The following ACTN1 variants were observed in gnomAD, a reference collection of about 807,000 sequenced individuals.
ACTN1 encodes alpha-actinin-1.
A neutral mutation model predicts 119.6 loss-of-function variants in ACTN1; 30 were observed. The observed-to-expected ratio is 0.25, with a 90% CI of 0.19 to 0.34. The LOEUF is 0.34. Ranked by LOEUF, ACTN1 falls within the 10% of genes least tolerant of loss-of-function variation. ACTN1 has a pLI of 1.00. For synonymous variants in ACTN1, 429 were observed against 472.6 expected (o/e 0.91, Z 1.20); for missense variants, 764 against 1,223.4 (o/e 0.62, Z 5.60).
At position 68,877,374 on chromosome 14, in the gene ACTN1, G is replaced by A. The variant is rs1030636333; in HGVS notation, c.2428-134C>T. The A allele has an allele frequency of 2.7e-6, 3 of 1,125,194 alleles. No individual in the cohort carries two copies. The African/African-American group carries it at 4.7e-5, about 18-fold the overall frequency. The allele number at this position is 1,125,194 out of a possible 1,614,324, so 69.7% of individuals were successfully genotyped here. The stretch of plus-strand genomic sequence containing the variant: ...GGCACATCCCCCTGACCTAACCTGG[G>A]TTGTCCTAAGGGTATGATGGGGACA... On this transcript the variant is annotated intron_variant, in intron 20 of 21. Coordinates refer to ENST00000394419, the MANE Select transcript of ACTN1 (RefSeq NM_001130004.2).
chr14:68,957,505 C>T (rs2036387674), intron 1 of ACTN1, among the ~76,000 whole-genome samples: 2 of 152,246 alleles, frequency 1.3e-5, no homozygotes. Context: ...TAAAGCCATC[C>T]GGGAACTCTT....
chr14:68,977,800 TC>T (rs35512297), intron 1 of ACTN1: 181 of 345,780 alleles, frequency 5.2e-4, no homozygotes, highest in African/African-American at 2.9e-3. Flanking sequence ...CGCCATCCTG[TC>T]CCCCCCCCAC....
chr14:68,875,526 A>G (rs551698414), intron 21 of ACTN1, among the ~76,000 whole-genome samples: 1 of 152,360 alleles, frequency 6.6e-6, no homozygotes, highest in African/African-American at 2.4e-5. Context: ...GCAGCTTTGC[A>G]GAAATGCGGG....
chr14:68,951,137 G>A (rs577065166), intron 1 of ACTN1, among the ~76,000 whole-genome samples: 13 of 152,250 alleles, frequency 8.5e-5, no homozygotes, highest in East Asian at 1.9e-4. Context: ...GCAGGGAAGC[G>A]CCACCCATGG....
Position 68,909,950 on chromosome 14 carries a change from C to T in ACTN1, c.515+5G>A. Reference sequence around the variant, plus strand: ...TGTGAGAGCCCCTCAGACCCCAGCACTCACCTTATGTGGAAGTTCTGGATG... The same window carrying T: ...TGTGAGAGCCCCTCAGACCCCAGCATTCACCTTATGTGGAAGTTCTGGATG... On this transcript the variant is annotated splice_donor_5th_base_variant and intron_variant, in intron 5 of 21. Coordinates refer to ENST00000394419, the MANE Select transcript of ACTN1 (RefSeq NM_001130004.2). This position sits in a 1 kb window ranked among gnomAD's most constrained non-coding sequence, Gnocchi z 4.1. 6.2e-7 allele frequency: 1 copy of T among 1,613,622 alleles called. No homozygotes were observed. The highest frequency in any genetic ancestry group is 8.5e-7 in the Non-Finnish European group (1 of 1,179,616).
rs762985497 is a variant in ACTN1 at position 68,978,985 on chromosome 14, G to A, written c.72C>T (p.Leu24=). The change falls in exon 1 of 22, where the codon CTC becomes CTT. Residue 24 remains leucine, a synonymous_variant. Transcript: ENST00000394419. Reference sequence around the variant, plus strand: ...GCTGCTTCTCCCAGGCCGGGTCCAGGAGCAGGTCCCGGTCCCAGTCCTCTT... The same window carrying A: ...GCTGCTTCTCCCAGGCCGGGTCCAGAAGCAGGTCCCGGTCCCAGTCCTCTT... The part of the protein sequence containing the change: ...QPEEDWDRDL[L]LDPAWEKQQR... 1 of 1,602,598 alleles carries A rather than the reference G, an allele frequency of 6.2e-7. No individual in the cohort carries two copies. Among genetic ancestry groups the A allele is most frequent in the Non-Finnish European group, 8.5e-7 (1 of 1,174,342 alleles).
At chr14:68,951,114 T>A (rs2036151192) in intron 1 of ACTN1, among the ~76,000 whole-genome samples, 1 of 152,094 alleles carries the variant, frequency 6.6e-6, no homozygotes, top group Non-Finnish European at 1.5e-5. Flanking sequence ...CCCCCGCCCT[T>A]TGAGAAACAG....
chr14:68,922,854 T>C (rs953310018), intron 2 of ACTN1, among the ~76,000 whole-genome samples: 6 of 152,234 alleles, frequency 3.9e-5, no homozygotes, highest in African/African-American at 1.4e-4. Flanking sequence ...CCGATTCTGG[T>C]GTGGGTAGTC....
intron 1 of ACTN1, among the ~76,000 whole-genome samples, chr14:68,946,672 G>A (rs764631031): frequency 2.4e-4 from 36 of 152,098 alleles, no homozygotes; most frequent in Non-Finnish European, 5.9e-5. Context: ...GCTCACTGGG[G>A]CCCTGGTTTT....
chr14:68,948,978 G>T (rs568114210), intron 1 of ACTN1, among the ~76,000 whole-genome samples: 10 of 152,324 alleles, frequency 6.6e-5, no homozygotes, highest in Admixed American at 5.2e-4. Context: ...CTGTGCACAG[G>T]GCTCTAGCGA....
At chr14:68,913,716 C>G (rs1053750177) in intron 3 of ACTN1, among the ~76,000 whole-genome samples, 1 of 152,182 alleles carries the variant, frequency 6.6e-6, no homozygotes, top group Admixed American at 6.5e-5. Flanking sequence ...CCACTTTGGA[C>G]TTGGAATAGG....
chr14:68,900,620 C>A (rs1312588006), intron 8 of ACTN1, among the ~76,000 whole-genome samples: 3 of 152,114 alleles, frequency 2.0e-5, no homozygotes, highest in African/African-American at 7.2e-5. Flanking sequence ...AAGCTTCTCT[C>A]TCGCTTGTGG....
chr14:68,908,221 G>C (rs371390960), intron 6 of ACTN1, among the ~76,000 whole-genome samples: 1 of 152,074 alleles, frequency 6.6e-6, no homozygotes, highest in Non-Finnish European at 1.5e-5. Context: ...GCAGGGAAGC[G>C]GGTAGGCATC....
At chr14:68,953,014 G>A (rs1192171177) in intron 1 of ACTN1, among the ~76,000 whole-genome samples, 1 of 152,108 alleles carries the variant, frequency 6.6e-6, no homozygotes, top group Non-Finnish European at 1.5e-5. Flanking sequence ...CCCATCCCTA[G>A]GGGCATCTGC....
At chr14:68,966,881 C>A (rs1437550340) in intron 1 of ACTN1, among the ~76,000 whole-genome samples, 1 of 152,200 alleles carries the variant, frequency 6.6e-6, no homozygotes, top group Non-Finnish European at 1.5e-5. Flanking sequence ...CAGCCAAATG[C>A]AATAACCCCA....
In ACTN1 at chr14:68,890,245, C is replaced by T. The variant is rs139596904; in HGVS notation, c.1128G>A (p.Lys376=). Residue 376 remains lysine, a synonymous_variant, in exon 11 of 22, where the codon AAG becomes AAA. Transcript: ENST00000394419. ...NAWGCLEQVE[K]GYEEWLLNEI... The stretch of plus-strand genomic sequence containing the variant: ...CATTCAGCAACCACTCCTCATAGCC[C>T]TTCTCCACCTGCTCCAGGCAGCCCC... 2.2e-4 allele frequency: 357 copies of T among 1,614,080 alleles called. 2 individuals are homozygous for T. Among genetic ancestry groups the T allele is most frequent in the Middle Eastern group, 1.6e-4 (1 of 6,082 alleles).
At chr14:68,923,356 G>A (rs1237299002) in intron 2 of ACTN1, among the ~76,000 whole-genome samples, 1 of 152,134 alleles carries the variant, frequency 6.6e-6, no homozygotes, top group Non-Finnish European at 1.5e-5. Flanking sequence ...GGGGTGGTGC[G>A]GGCAGGGCAC....
At chr14:68,908,457 C>T (rs1594796951) in intron 6 of ACTN1, among the ~76,000 whole-genome samples, 1 of 152,178 alleles carries the variant, frequency 6.6e-6, no homozygotes, top group East Asian at 1.9e-4. Context: ...CACACAAGTC[C>T]AGCCGCTCCT....
chr14:68,893,792 C>G, intron 8 of ACTN1, 45 bp from the exon 9 acceptor site: 1 of 1,592,628 alleles, frequency 6.3e-7, no homozygotes, highest in Non-Finnish European at 8.6e-7. Context: ...GCCCCAGCAG[C>G]AGGGGCACCT....
Sources: allele counts gnomAD v4.1 joint callset (sites outside exome capture counted in the v4.1 genomes callset), GRCh38; gene constraint gnomAD v4.1.1; non-coding constraint Gnocchi (gnomAD v3.1); transcripts MANE v1.5; gene names NCBI Gene and HGNC (gene_info 2026-07-23, HGNC 2026-07-21).